PAG1: variants seen among roughly 807,000 people sequenced by gnomAD.
The protein encoded by PAG1 is phosphoprotein associated with glycosphingolipid-enriched microdomains 1.
Under a neutral mutation model 31.7 loss-of-function variants are expected in PAG1, and 23 were observed. That is an observed-to-expected ratio of 0.73 (90% CI 0.52 to 1.03). PAG1 has a LOEUF of 1.03. Among genes scored for constraint, PAG1 ranks in the 50% least tolerant of loss-of-function variants. PAG1 has a pLI of 0.00. For synonymous variants in PAG1, 214 were observed against 210.3 expected, an observed-to-expected ratio of 1.02 and a Z score of -0.15; for missense variants, 473 against 540.7, an observed-to-expected ratio of 0.87 and a Z score of 1.24.
At chr8:80,998,221 C>T (rs1055428195) in intron 3 of PAG1, among the ~76,000 whole-genome samples, 2 of 149,590 alleles carry the variant, frequency 1.3e-5, no homozygotes, top group African/African-American at 2.5e-5. Flanking sequence ...CCTTCGCTTC[C>T]TGGGTTCAAG....
chr8:81,001,090 C>G (rs895231011), intron 3 of PAG1, among the ~76,000 whole-genome samples: 1 of 152,238 alleles, frequency 6.6e-6, no homozygotes, highest in Admixed American at 6.5e-5. Flanking sequence ...ATGAGTCTCA[C>G]TTCCTTGGGG....
At chr8:81,091,924 TAGG>T (rs1809452449) in intron 1 of PAG1, among the ~76,000 whole-genome samples, 1 of 150,482 alleles carries the variant, frequency 6.6e-6, no homozygotes, top group Admixed American at 6.6e-5. Flanking sequence ...TGCTTGAGCC[TAGG>T]AGTTCAACCC....
At chr8:81,021,468 T>G (rs192222198) in intron 3 of PAG1, among the ~76,000 whole-genome samples, 2 of 146,624 alleles carry the variant, frequency 1.4e-5, no homozygotes, top group Admixed American at 7.0e-5. Context: ...GGATGCTGCA[T>G]TACATTTAGT....
intron 1 of PAG1, among the ~76,000 whole-genome samples, chr8:81,090,673 A>C (rs781363215): frequency 6.6e-6 from 1 of 152,216 alleles, no homozygotes; most frequent in Non-Finnish European, 1.5e-5. Flanking sequence ...TTCTCAGAGA[A>C]TAGGACACCT....
At chr8:81,057,476 A>G (rs1015326394) in intron 2 of PAG1, among the ~76,000 whole-genome samples, 1 of 150,868 alleles carries the variant, frequency 6.6e-6, no homozygotes. Context: ...AAGGACAAAA[A>G]ACCAAACACC....
At chr8:80,997,749 A>T (rs2130556223) in intron 3 of PAG1, among the ~76,000 whole-genome samples, 1 of 149,188 alleles carries the variant, frequency 6.7e-6, no homozygotes, top group East Asian at 1.9e-4. Context: ...GATTTAGATT[A>T]ATAGTTGTAC....
At chr8:81,031,770 T>C (rs894862903) in intron 2 of PAG1, among the ~76,000 whole-genome samples, 4 of 152,240 alleles carry the variant, frequency 2.6e-5, no homozygotes, top group East Asian at 1.9e-4. Flanking sequence ...TGCACAGTTT[T>C]GAATTTTCAA....
At chr8:81,054,012 G>T (rs1808774584) in intron 2 of PAG1, among the ~76,000 whole-genome samples, 1 of 152,064 alleles carries the variant, frequency 6.6e-6, no homozygotes, top group Admixed American at 6.6e-5. Context: ...AAGGACGAGT[G>T]TGCCTGTGTT....
At chr8:81,106,735 G>T (rs1366912388) in intron 1 of PAG1, among the ~76,000 whole-genome samples, 2 of 152,086 alleles carry the variant, frequency 1.3e-5, no homozygotes, top group Non-Finnish European at 2.9e-5. Context: ...TCAGGGGAAG[G>T]GTTTTGAAAA....
At chr8:81,016,111 C>A (rs1488650933) in intron 3 of PAG1, among the ~76,000 whole-genome samples, 2 of 152,174 alleles carry the variant, frequency 1.3e-5, no homozygotes, top group Non-Finnish European at 2.9e-5. Context: ...TGACTGCAAG[C>A]TGACCAAAGA....
chr8:81,027,688 G>A (rs547424056), intron 3 of PAG1, among the ~76,000 whole-genome samples: 7 of 152,160 alleles, frequency 4.6e-5, no homozygotes, highest in South Asian at 4.1e-4. Context: ...GGCGGATCAC[G>A]AAGTCAGGAG....
intron 1 of PAG1, among the ~76,000 whole-genome samples, chr8:81,078,252 A>G (rs564999053): frequency 6.6e-6 from 1 of 152,372 alleles, no homozygotes; most frequent in South Asian, 2.1e-4. Flanking sequence ...CTATTACTAA[A>G]GACATTTTGT....
chr8:81,086,616 AC>A (rs1809362897), intron 1 of PAG1, among the ~76,000 whole-genome samples: 1 of 152,192 alleles, frequency 6.6e-6, no homozygotes, highest in Admixed American at 6.5e-5. Flanking sequence ...AAAAATGCCT[AC>A]GTATTGATAA....
intron 2 of PAG1, among the ~76,000 whole-genome samples, chr8:81,069,528 T>C (rs1002507907): frequency 2.0e-5 from 3 of 152,270 alleles, no homozygotes; most frequent in Admixed American, 2.0e-4. Flanking sequence ...GTTAACCTGT[T>C]CATTTAGTCT....
chr8:81,040,071 A>C (rs1808528830), intron 2 of PAG1, among the ~76,000 whole-genome samples: 1 of 152,140 alleles, frequency 6.6e-6, no homozygotes, highest in Non-Finnish European at 1.5e-5. Flanking sequence ...TTATTTTCTT[A>C]GACTCCCCTC....
At chr8:81,092,747 T>C (rs554281216) in intron 1 of PAG1, among the ~76,000 whole-genome samples, 2 of 152,378 alleles carry the variant, frequency 1.3e-5, no homozygotes, top group South Asian at 4.1e-4. Flanking sequence ...ATATACCACT[T>C]TACCTATGTC....
chr8:81,002,588 G>A (rs1807806293), intron 3 of PAG1, among the ~76,000 whole-genome samples: 1 of 152,216 alleles, frequency 6.6e-6, no homozygotes, highest in Non-Finnish European at 1.5e-5. Flanking sequence ...AACGCGTCCT[G>A]TGGTCTCTCC....
At chr8:81,105,282 A>G (rs1809676553) in intron 1 of PAG1, among the ~76,000 whole-genome samples, 2 of 152,130 alleles carry the variant, frequency 1.3e-5, no homozygotes, top group African/African-American at 4.8e-5. Context: ...CTGGTATTTG[A>G]GGTCTTATCA....
intron 2 of PAG1, among the ~76,000 whole-genome samples, chr8:81,062,477 T>G (rs1213770423): frequency 6.6e-6 from 1 of 152,226 alleles, no homozygotes. Flanking sequence ...AAGGATCACA[T>G]GAATGAAATC....
Sources: gnomAD v4.1 joint callset for allele counts (sites outside exome capture counted in the v4.1 genomes callset) on GRCh38, gnomAD v4.1.1 for gene constraint, MANE v1.5 for transcripts, NCBI Gene and HGNC (gene_info 2026-07-23, HGNC 2026-07-21) for gene names.